XYLT1: variants seen among roughly 807,000 people sequenced by gnomAD.
The protein encoded by XYLT1 is xylosyltransferase 1, also known as beta-D-xylosyltransferase 1.
XYLT1 carries 36 observed loss-of-function variants against 91.3 expected under a neutral mutation model. The ratio of observed to expected loss-of-function variants is 0.39; its 90% confidence interval spans 0.30 to 0.52. The LOEUF is 0.52. Ranked by LOEUF, XYLT1 falls within the 20% of genes least tolerant of loss-of-function variation. The pLI, the probability that XYLT1 is intolerant of heterozygous loss-of-function variation, is 0.68. For missense variants in XYLT1, 1,242 were observed against 1,284.5 expected (o/e 0.97, Z 0.51); for synonymous variants, 588 against 532.0 (o/e 1.11, Z -1.45).
intron 2 of XYLT1, among the ~76,000 whole-genome samples, chr16:17,276,414 G>C (rs1227315018): frequency 6.6e-6 from 1 of 152,224 alleles, no homozygotes; most frequent in Non-Finnish European, 1.5e-5. Context: ...AGTGACAGCA[G>C]TGCCTACACT....
chr16:17,117,088 A>G, intron 11 of XYLT1, among the ~76,000 whole-genome samples: 1 of 152,168 alleles, frequency 6.6e-6, no homozygotes, highest in East Asian at 1.9e-4. Context: ...AGCAGGCAAC[A>G]TGTACATGAA....
At chr16:17,321,745 TG>T (rs934067043) in intron 2 of XYLT1, among the ~76,000 whole-genome samples, 81 of 152,264 alleles carry the variant, frequency 5.3e-4, no homozygotes, top group Middle Eastern at 3.4e-3. Context: ...ATAGACATTG[TG>T]GTTCCAGGGA....
chr16:17,326,475 G>A (rs1226776935), intron 2 of XYLT1, among the ~76,000 whole-genome samples: 3 of 152,006 alleles, frequency 2.0e-5, no homozygotes, highest in African/African-American at 7.3e-5. Flanking sequence ...CATGCTCTTA[G>A]TCCATGATGG....
intron 2 of XYLT1, among the ~76,000 whole-genome samples, chr16:17,357,409 G>A (rs988553281): frequency 5.9e-5 from 9 of 152,068 alleles, no homozygotes; most frequent in African/African-American, 2.2e-4. Flanking sequence ...TGAACTCCAA[G>A]GCCTATACTC....
At position 17,134,567 on chromosome 16, in the gene XYLT1, T is replaced by C; in HGVS notation, c.1933A>G (p.Ser645Gly). 2 of 1,614,154 alleles carry C rather than the reference T, an allele frequency of 1.2e-6. No individual in the cohort carries two copies. Among genetic ancestry groups the C allele is most frequent in the Non-Finnish European group, 1.7e-6 (2 of 1,180,038 alleles). The change falls in exon 9 of 12, where the codon AGC becomes GGC. Residue 645 changes from serine to glycine, a missense_variant. Ser to Gly is a moderately conservative substitution (Grantham distance 56). Transcript: ENST00000261381. ...YDEPDGIHSL[S>G]DVTLTLYHSF... Reference sequence around the variant, plus strand: ...TGGTACAAGGTGAGTGTCACGTCGCTCAGGCTGTGGATGCCGTCAGGCTCA... The same window carrying C: ...TGGTACAAGGTGAGTGTCACGTCGCCCAGGCTGTGGATGCCGTCAGGCTCA...
intron 2 of XYLT1, among the ~76,000 whole-genome samples, chr16:17,335,599 C>G (rs968978475): frequency 2.7e-5 from 4 of 150,236 alleles, no homozygotes; most frequent in African/African-American, 9.8e-5. Context: ...GAGGGTGAGG[C>G]AGGAGAATCG....
chr16:17,460,097 T>C (rs2141958659), intron 1 of XYLT1, among the ~76,000 whole-genome samples: 1 of 152,220 alleles, frequency 6.6e-6, no homozygotes, highest in African/African-American at 2.4e-5. Context: ...TCTGATGAAG[T>C]GCCAAAAAGA....
intron 3 of XYLT1, among the ~76,000 whole-genome samples, chr16:17,213,927 C>G (rs536864274): frequency 6.6e-6 from 1 of 152,092 alleles, no homozygotes; most frequent in African/African-American, 2.4e-5. Flanking sequence ...ATTTGAGCAA[C>G]CTTTCAGAGG....
At chr16:17,218,301 C>A (rs2032899124) in intron 3 of XYLT1, among the ~76,000 whole-genome samples, 1 of 151,196 alleles carries the variant, frequency 6.6e-6, no homozygotes, top group Admixed American at 6.6e-5. Flanking sequence ...ACAACAAGAA[C>A]AACAAAACAA....
intron 2 of XYLT1, among the ~76,000 whole-genome samples, chr16:17,332,341 C>A (rs1221570486): frequency 4.6e-5 from 7 of 152,158 alleles, no homozygotes; most frequent in Non-Finnish European, 8.8e-5. Context: ...GCGGGCAGAT[C>A]ACTTGAGGTC....
intron 5 of XYLT1, among the ~76,000 whole-genome samples, chr16:17,160,707 T>C (rs142028302): frequency 6.6e-6 from 1 of 152,162 alleles, no homozygotes; most frequent in South Asian, 2.1e-4. Context: ...GTCCCTACAA[T>C]GGTGCATCTC....
intron 2 of XYLT1, among the ~76,000 whole-genome samples, chr16:17,305,011 T>C (rs888408897): frequency 1.3e-5 from 2 of 152,182 alleles, no homozygotes; most frequent in African/African-American, 4.8e-5. Flanking sequence ...CTTGCATGTT[T>C]ATAGCACCAC....
At chr16:17,426,907 T>G (rs1326288491) in intron 1 of XYLT1, among the ~76,000 whole-genome samples, 2 of 151,984 alleles carry the variant, frequency 1.3e-5, no homozygotes, top group Non-Finnish European at 2.9e-5. Context: ...ACTAAGAAGG[T>G]GTCAGCCATG....
rs1209582727 is a variant in XYLT1 at position 17,398,813 on chromosome 16, T to TCCCC, written c.364-40767_364-40764dup. Among the ~76,000 whole-genome samples, 97 of 61,102 alleles carry TCCCC rather than the reference T, an allele frequency of 1.6e-3. 1 individual carries two copies. The highest frequency in any genetic ancestry group is 2.5e-3 in the African/African-American group (31 of 12,572). 40.1% of individuals were successfully genotyped at this position (61,102 alleles called of 152,430 possible). On this transcript the variant is annotated intron_variant, in intron 1 of 11. Coordinates refer to ENST00000261381, the MANE Select transcript of XYLT1 (RefSeq NM_022166.4). ...CTGTGTGCATGGCTATGTCCAAATG[T>TCCCC]CCCCGCCCCCCCCCACTGTTTTTTT...
chr16:17,247,550 C>T (rs112291917), intron 3 of XYLT1, among the ~76,000 whole-genome samples: 14 of 152,230 alleles, frequency 9.2e-5, no homozygotes, highest in Admixed American at 4.6e-4. Flanking sequence ...CACTCAAATA[C>T]GGTATTTTAT....
chr16:17,178,140 G>A (rs1199248346), intron 5 of XYLT1, among the ~76,000 whole-genome samples: 1 of 152,166 alleles, frequency 6.6e-6, no homozygotes, highest in Non-Finnish European at 1.5e-5. Context: ...TAGCCATGGA[G>A]GACTGTCTGT....
intron 1 of XYLT1, among the ~76,000 whole-genome samples, chr16:17,424,743 C>T (rs1420898845): frequency 2.6e-5 from 4 of 151,900 alleles, no homozygotes; most frequent in Non-Finnish European, 5.9e-5. Context: ...TGGTAGGTGC[C>T]TGTAATCCCA....
intron 1 of XYLT1, among the ~76,000 whole-genome samples, chr16:17,469,723 AAGAC>A (rs1366165935): frequency 1.3e-5 from 2 of 152,192 alleles, no homozygotes; most frequent in East Asian, 3.9e-4. Context: ...ACAAGACAGA[AAGAC>A]AGAGACAACC....
chr16:17,293,397 A>C (rs970650409), intron 2 of XYLT1, among the ~76,000 whole-genome samples: 1 of 152,082 alleles, frequency 6.6e-6, no homozygotes, highest in African/African-American at 2.4e-5. Flanking sequence ...CAGTGGTACC[A>C]ATTAAATAAC....
Sources: gnomAD v4.1 joint callset for allele counts (sites outside exome capture counted in the v4.1 genomes callset) on GRCh38, gnomAD v4.1.1 for gene constraint, MANE v1.5 for transcripts, NCBI Gene and HGNC (gene_info 2026-07-23, HGNC 2026-07-21) for gene names.